RHPN1: variants seen among roughly 807,000 people sequenced by gnomAD.
RHPN1 encodes rhophilin Rho GTPase binding protein 1.
A neutral mutation model predicts 74.7 loss-of-function variants in RHPN1; 77 were observed. That is an observed-to-expected ratio of 1.03 (90% CI 0.86 to 1.25). RHPN1 has a LOEUF of 1.25. RHPN1 is among the 50% of genes most tolerant of loss of function. The pLI is 0.00. For synonymous variants in RHPN1, 444 were observed against 414.5 expected, an observed-to-expected ratio of 1.07 and a Z score of -0.87; for missense variants, 987 against 932.2, an observed-to-expected ratio of 1.06 and a Z score of -0.77.
At chr8:143,368,156 G>C (rs1817601363), upstream of RHPN1, 1 of 153,842 alleles carries the variant, frequency 6.5e-6, no homozygotes, top group Non-Finnish European at 1.5e-5. Context: ...GTGGGTTCCA[G>C]AGGCAGGTGC....
In RHPN1 at chr8:143,377,373, G is replaced by T. The variant is rs1274780200; in HGVS notation, c.306-7G>T. On this transcript the variant is annotated splice_polypyrimidine_tract_variant and splice_region_variant and intron_variant, in intron 3 of 14. Transcript: ENST00000289013. ...TTACAGTCTGAAGTCGATGCTTCTG[G>T]TTACAGCGAAGCTGTCACTGTCCCC... 3 of 1,612,222 alleles carry T rather than the reference G, an allele frequency of 1.9e-6. No individual in the cohort carries two copies. The highest frequency in any genetic ancestry group is 2.5e-6 in the Non-Finnish European group (3 of 1,178,750).
rs898640226 is a variant in RHPN1, at chr8:143,380,590, C to T, written c.1218C>T (p.Gly406=). ...PQELEERRQL[G]KAHLKRAILG... ...GACATCCCAGTGCCCCGCGTGCAGG[C>T]AAGGCACACCTGAAGCGTGCCATCC... Residue 406 remains glycine, a splice_region_variant and synonymous_variant, in exon 11 of 15, where the codon GGC becomes GGT. Coordinates refer to ENST00000289013, the MANE Select transcript of RHPN1 (RefSeq NM_052924.3). 10 of 1,505,744 alleles carry T rather than the reference C, an allele frequency of 6.6e-6. No individual in the cohort carries two copies. Among genetic ancestry groups the T allele is most frequent in the Non-Finnish European group, 8.0e-6 (9 of 1,123,234 alleles). The allele number at this position is 1,505,744 out of a possible 1,614,324, so 93.3% of individuals were successfully genotyped here.
intron 1 of RHPN1, chr8:143,374,282 C>T (rs1170362462): frequency 1.0e-6 from 1 of 985,320 alleles, no homozygotes; most frequent in Non-Finnish European, 1.2e-6. Context: ...GAATCCGCAG[C>T]TTCATGCAGT....
chr8:143,364,459 G>C (rs1024868065), upstream of RHPN1, among the ~76,000 whole-genome samples: 1 of 152,116 alleles, frequency 6.6e-6, no homozygotes, highest in Admixed American at 6.5e-5. The surrounding 1 kb of genome is among the most constrained non-coding windows in gnomAD (Gnocchi z 4.5). Flanking sequence ...AGAGCAGGCT[G>C]GGTGCTCCTT....
Position 143,383,513 on chromosome 8 carries a change from G to C in RHPN1, c.*862G>C, listed in dbSNP as rs1818875855. ...CAGGGGAAGTGAGGGCTGCCTCCAG[G>C]CCTCCGTGTACTGGGTGGACAATGG... On this transcript the variant is annotated 3_prime_UTR_variant, in exon 15 of 15. Coordinates refer to ENST00000289013, the MANE Select transcript of RHPN1 (RefSeq NM_052924.3). 6.6e-6 allele frequency: 1 copy of C among 152,396 alleles called. No homozygotes were observed. Among genetic ancestry groups the C allele is most frequent in the African/African-American group, 2.4e-5 (1 of 41,462 alleles). 9.4% of individuals were successfully genotyped at this position (152,396 alleles called of 1,614,324 possible). A position where few individuals can be genotyped will look rare whatever the true frequency, so the allele number is the denominator to read the frequency against.
intron 1 of RHPN1, chr8:143,374,002 C>A: frequency 4.9e-6 from 2 of 406,596 alleles, no homozygotes; most frequent in Non-Finnish European, 6.6e-6. Context: ...GCTCAGCTGG[C>A]TGCTGTGATT....
chr8:143,368,780 G>A (rs956746506), upstream of RHPN1: 5 of 331,634 alleles, frequency 1.5e-5, no homozygotes, highest in Non-Finnish European at 2.7e-5. Flanking sequence ...GCCGCCTATT[G>A]GGCAATGGCC....
upstream of RHPN1, among the ~76,000 whole-genome samples, chr8:143,364,843 C>A (rs376920837): frequency 2.6e-4 from 40 of 152,182 alleles, no homozygotes; most frequent in East Asian, 1.3e-3. The surrounding 1 kb of genome is among the most constrained non-coding windows in gnomAD (Gnocchi z 4.5). Flanking sequence ...CCCCAGCCGT[C>A]CCTCCTGTTG....
At chr8:143,378,019 G>T (rs1818401010) in intron 4 of RHPN1, among the ~76,000 whole-genome samples, 1 of 152,210 alleles carries the variant, frequency 6.6e-6, no homozygotes, top group Non-Finnish European at 1.5e-5. Context: ...GATGGGGTGG[G>T]GAAACCCCAG....
At position 143,380,792 on chromosome 8, in the gene RHPN1, C is replaced by T. The variant is rs761480323; in HGVS notation, c.1411+9C>T. 1.9e-6 allele frequency: 3 copies of T among 1,542,168 alleles called. No individual in the cohort carries two copies. Among genetic ancestry groups the T allele is most frequent in the Admixed American group, 3.8e-5 (2 of 52,114 alleles). On this transcript the variant is annotated intron_variant, in intron 11 of 14. Transcript: ENST00000289013. ...GGCCCCGGACATCCAGCGTGAGCAGCCAGGGCCTGTCTGGGTGGCTGCATC... is the reference window on the plus strand; with the variant it reads ...GGCCCCGGACATCCAGCGTGAGCAGTCAGGGCCTGTCTGGGTGGCTGCATC...
At position 143,377,398 on chromosome 8, in the gene RHPN1, C is replaced by G. The variant is rs1009002701; in HGVS notation, c.324C>G (p.Pro108=). Residue 108 remains proline (P), a synonymous_variant, in exon 4 of 15, where the codon CCC becomes CCG. Coordinates refer to ENST00000289013, the MANE Select transcript of RHPN1 (RefSeq NM_052924.3). ...GRHGSEAVTV[P]MIPLGLKETK... The stretch of plus-strand genomic sequence containing the variant: ...GTTACAGCGAAGCTGTCACTGTCCC[C>G]ATGATCCCCCTGGGCCTGAAGGAGA... 6.2e-7 allele frequency: 1 copy of G among 1,613,406 alleles called. No homozygotes were observed. The highest frequency in any genetic ancestry group is 1.7e-5 in the Admixed American group (1 of 60,010).
intron 10 of RHPN1, 91 bp downstream of exon 10, chr8:143,380,266 T>A: frequency 1.1e-6 from 1 of 914,956 alleles, no homozygotes; most frequent in Non-Finnish European, 1.6e-6. Context: ...GTTTGCCACC[T>A]GCTGTCCCCG....
chr8:143,376,742 T>C, intron 3 of RHPN1, 89 bp downstream of exon 3: 1 of 1,392,524 alleles, frequency 7.2e-7, no homozygotes, highest in South Asian at 1.3e-5. Context: ...TGTGTGTCTC[T>C]GTGTGTATAT....
upstream of RHPN1, chr8:143,366,555 A>ACACACACGCACACG (rs750544863): frequency 2.0e-5 from 3 of 150,354 alleles, no homozygotes; most frequent in Non-Finnish European, 2.9e-5. Flanking sequence ...ATATGCACGC[A>ACACACACGCACACG]CACACACGCA....
At chr8:143,370,082 C>T (rs115029017) in intron 1 of RHPN1, among the ~76,000 whole-genome samples, 4,338 of 152,240 alleles carry the variant, frequency 0.028, 172 homozygotes, top group African/African-American at 0.098. Context: ...TCTGTCAGGG[C>T]GGCCATGCCT....
chr8:143,380,243 C>G, intron 10 of RHPN1, 68 bp downstream of exon 10: 1 of 1,097,940 alleles, frequency 9.1e-7, no homozygotes, highest in East Asian at 2.6e-5. Flanking sequence ...GTGTCCCCCA[C>G]CACCCTCATG....
Position 143,381,967 on chromosome 8 carries a change from T to C in RHPN1, c.1796T>C (p.Leu599Ser). 1.9e-6 allele frequency: 3 copies of C among 1,584,662 alleles called. No homozygotes were observed. The highest frequency in any genetic ancestry group is 2.6e-6 in the Non-Finnish European group (3 of 1,164,592). Reference protein sequence around the residue: ...SLLPSSRLPSLGDRRPVLLGP... With the variant: ...SLLPSSRLPSSGDRRPVLLGP... ...CTGCCCAGCTCTAGACTGCCCAGCT[T>C]GGTGAGCCCCTGGGGCCCCAGAGGG... Residue 599 changes from leucine (L) to serine (S), a missense_variant and splice_region_variant, in exon 14 of 15, where the codon TTG becomes TCG. Physicochemically the swap from Leu to Ser is moderately radical, Grantham distance 145. Coordinates refer to ENST00000289013, the MANE Select transcript of RHPN1 (RefSeq NM_052924.3).
At chr8:143,366,077 T>A (rs1337632098), upstream of RHPN1, among the ~76,000 whole-genome samples, 19 of 151,166 alleles carry the variant, frequency 1.3e-4, no homozygotes, top group Non-Finnish European at 5.9e-5. Flanking sequence ...GGCAGGCAGA[T>A]CACTGGAGCT....
chr8:143,382,471 G>C lies in RHPN1; in HGVS notation c.1833G>C (p.Gly611=), dbSNP rs759766999. 4.4e-6 allele frequency: 7 copies of C among 1,592,252 alleles called. No homozygotes were observed. The East Asian group carries it at 1.1e-4, about 26-fold the overall frequency. The change falls in exon 15 of 15, where the codon GGG becomes GGC. Residue 611 remains glycine, a synonymous_variant. Coordinates refer to ENST00000289013, the MANE Select transcript of RHPN1 (RefSeq NM_052924.3). ...GGCCCGTCCTGCTGGGCCCCAGGGG[G>C]CTTCTAAGGAGCCAGAGGGAGCATG... ...DRRPVLLGPR[G]LLRSQREHGC...
Sources: gnomAD v4.1 joint callset for allele counts (sites outside exome capture counted in the v4.1 genomes callset) on GRCh38, gnomAD v4.1.1 for gene constraint, Gnocchi (gnomAD v3.1) non-coding constraint, MANE v1.5 for transcripts, NCBI Gene and HGNC (gene_info 2026-07-23, HGNC 2026-07-21) for gene names.